The following ATRX variants were observed in gnomAD, a reference collection of about 807,000 sequenced individuals.
ATRX encodes chromatin remodeler ATRX.
Under a neutral mutation model 172.6 loss-of-function variants are expected in ATRX, and 12 were observed. The observed-to-expected ratio is 0.07, with a 90% confidence interval of 0.04 to 0.11. The LOEUF (loss-of-function observed/expected upper bound fraction) is 0.11, where lower values mean the gene tolerates loss of function less well. ATRX is among the 10% of genes least tolerant of loss of function. ATRX has a pLI of 1.00. For synonymous variants in ATRX, 674 were observed against 594.7 expected (o/e 1.13, Z -1.94); for missense variants, 1,368 against 1,767.4 (o/e 0.77, Z 4.05).
intron 22 of ATRX, among the ~76,000 whole-genome samples, chrX:77,614,698 G>C (rs1557095768): frequency 9.0e-6 from 1 of 111,697 alleles, no homozygotes; most frequent in African/African-American, 3.3e-5. Context: ...ATCACCTTGA[G>C]TATTTATCAT....
intron 30 of ATRX, among the ~76,000 whole-genome samples, chrX:77,528,010 T>C (rs2063445861): frequency 1.1e-5 from 1 of 87,352 alleles, no homozygotes; most frequent in Admixed American, 1.5e-4. Context: ...GTCAGAGATC[T>C]GATCTCTCGC....
chrX:77,607,679 C>A lies in ATRX; in HGVS notation c.5567-7115G>T, dbSNP rs1018187049. 3.2e-5 allele frequency among the ~76,000 whole-genome samples: 3 copies of A among 94,661 alleles called. No individual in the cohort carries two copies. The South Asian group carries it at 1.6e-3, about 52-fold the overall frequency. The allele number at this position is 94,661 out of a possible 115,157, so 82.2% of individuals were successfully genotyped here. A position where few individuals can be genotyped will look rare whatever the true frequency, so the allele number is the denominator to read the frequency against. On this transcript the variant is annotated intron_variant, in intron 22 of 34. Coordinates refer to ENST00000373344, the MANE Select transcript of ATRX (RefSeq NM_000489.6). ...AGAGAGCCAAGATCGCACCACTGCA[C>A]CCCAGCCTGGGTGACAGAGACTCTG...
At position 77,522,392 on chromosome X, in the gene ATRX, A is replaced by G; in HGVS notation, c.6850-4T>C. On this transcript the variant is annotated splice_region_variant and splice_polypyrimidine_tract_variant and intron_variant, in intron 31 of 34. Transcript: ENST00000373344. ...TGTTGAAACGCATGGTCAGTCCCTA[A>G]AAACAAAAAAATTATGCACTTTTCA... is the stretch of plus-strand genomic sequence containing the variant. 8.3e-7 allele frequency: 1 copy of G among 1,209,398 alleles called. No individual in the cohort carries two copies. The highest frequency in any genetic ancestry group is 1.1e-6 in the Non-Finnish European group (1 of 893,836).
At chrX:77,590,684 T>G (rs1224198946) in intron 26 of ATRX, among the ~76,000 whole-genome samples, 2 of 109,351 alleles carry the variant, frequency 1.8e-5, no homozygotes, top group Admixed American at 2.0e-4. Context: ...AACAATGGTC[T>G]TAGCAAAACT....
At chrX:77,598,709 G>A (rs1318542401) in intron 25 of ATRX, among the ~76,000 whole-genome samples, 1 of 111,975 alleles carries the variant, frequency 8.9e-6, no homozygotes, top group South Asian at 3.7e-4. Context: ...GGCTGCACTA[G>A]TAGGATACAG....
In ATRX at chrX:77,696,673, A is replaced by T; in HGVS notation, c.274T>A (p.Ser92Thr). 8.3e-7 allele frequency: 1 copy of T among 1,198,511 alleles called. No homozygotes were observed. The highest frequency in any genetic ancestry group is 2.3e-4 in the Middle Eastern group (1 of 4,260). ...KPSIVTKYVE[S>T]DDEKPLDDET... ...TCATCCAAAGGTTTTTCATCATCTGATTCTACATACTTTGTTACAATTGAA... is the reference window on the plus strand; with the variant it reads ...TCATCCAAAGGTTTTTCATCATCTGTTTCTACATACTTTGTTACAATTGAA... The change falls in exon 5 of 35, where the codon TCA becomes ACA. Residue 92 changes from serine to threonine, a missense_variant. By Grantham distance (58) the Ser-to-Thr change is moderately conservative (BLOSUM62 1). This residue lies in a region of ATRX where 84 missense variants were observed against 82.8 expected (regional missense o/e 1.01). Transcript: ENST00000373344.
intron 22 of ATRX, among the ~76,000 whole-genome samples, chrX:77,606,533 C>G (rs782769165): frequency 9.0e-6 from 1 of 111,331 alleles, no homozygotes; most frequent in Non-Finnish European, 1.9e-5. Context: ...CAAAAAACCT[C>G]AACAAAATAC....
At chrX:77,760,344 T>C (rs1032601113) in intron 1 of ATRX, among the ~76,000 whole-genome samples, 1 of 106,725 alleles carries the variant, frequency 9.4e-6, no homozygotes, top group Non-Finnish European at 1.9e-5. Context: ...AATTTCATTC[T>C]CAGTAAACTA....
At chrX:77,596,745 A>G (rs1267867906) in intron 25 of ATRX, 1 of 111,075 alleles carries the variant, frequency 9.0e-6, no homozygotes, top group Non-Finnish European at 1.9e-5. Flanking sequence ...CAGGAAAAAG[A>G]GAAGAGACTA....
chrX:77,671,167 A>AAAAAAAAAAT (rs1424480831), intron 10 of ATRX, among the ~76,000 whole-genome samples: 2 of 15,735 alleles, frequency 1.3e-4, no homozygotes, highest in Admixed American at 1.4e-3. Flanking sequence ...AAAAAAAAAA[A>AAAAAAAAAAT]ATATATATAT....
At chrX:77,515,401 T>C (rs1602336315) in intron 34 of ATRX, among the ~76,000 whole-genome samples, 1 of 107,837 alleles carries the variant, frequency 9.3e-6, no homozygotes, top group Non-Finnish European at 1.9e-5. Context: ...AAAATAAAAA[T>C]AAAGAAAAAG....
intron 30 of ATRX, among the ~76,000 whole-genome samples, chrX:77,532,098 A>C (rs2063595763): frequency 9.0e-6 from 1 of 111,456 alleles, no homozygotes; most frequent in Non-Finnish European, 1.9e-5. Context: ...GACCTCTTCA[A>C]GGAGAACAAC....
intron 30 of ATRX, among the ~76,000 whole-genome samples, chrX:77,536,789 CT>C (rs1156602682): frequency 9.0e-6 from 1 of 111,547 alleles, no homozygotes; most frequent in East Asian, 2.8e-4. Flanking sequence ...CTGTTTCAGT[CT>C]TTTGAATTTC....
chrX:77,624,592 G>C (rs5959191), intron 19 of ATRX, among the ~76,000 whole-genome samples: 6,387 of 110,645 alleles, frequency 0.058, 490 homozygotes, highest in African/African-American at 0.2. Context: ...ACCAAGTGGA[G>C]AATCAAATCA....
At chrX:77,722,912 C>A (rs1557170073) in intron 1 of ATRX, among the ~76,000 whole-genome samples, 1 of 111,955 alleles carries the variant, frequency 8.9e-6, no homozygotes, top group Admixed American at 9.5e-5. Context: ...CAGCACTATT[C>A]ACAATAGCAA....
chrX:77,535,155 G>C (rs1209445927), intron 30 of ATRX, among the ~76,000 whole-genome samples: 1 of 112,113 alleles, frequency 8.9e-6, no homozygotes, highest in African/African-American at 3.2e-5. Context: ...AAAAAATGCA[G>C]TGAATTTGAT....
chrX:77,591,636 T>A (rs782446356), intron 26 of ATRX, among the ~76,000 whole-genome samples: 1 of 111,772 alleles, frequency 8.9e-6, no homozygotes, highest in African/African-American at 3.2e-5. Context: ...ATCTCCCAGT[T>A]AACTACTTCT....
At chrX:77,738,558 CTTTTTTTTT>C (rs781834798) in intron 1 of ATRX, among the ~76,000 whole-genome samples, 45 of 73,543 alleles carry the variant, frequency 6.1e-4, no homozygotes, top group African/African-American at 2.4e-3. Context: ...TCTTTTGTGT[CTTTTTTTTT>C]TTTTTTTTTT....
At chrX:77,655,715 C>A (rs1448228791) in intron 13 of ATRX, among the ~76,000 whole-genome samples, 5 of 107,691 alleles carry the variant, frequency 4.6e-5, no homozygotes, top group African/African-American at 1.0e-4. Context: ...AAAAAAAAAA[C>A]CTCTCATCAT....
Sources: gnomAD v4.1 joint callset for allele counts (sites outside exome capture counted in the v4.1 genomes callset) on GRCh38, gnomAD v4.1.1 for gene constraint, gnomAD v4.1.1 regional missense constraint, MANE v1.5 for transcripts, NCBI Gene and HGNC (gene_info 2026-07-23, HGNC 2026-07-21) for gene names.